The following DAGLA variants were observed in gnomAD, a reference collection of about 807,000 sequenced individuals.
DAGLA encodes the protein diacylglycerol lipase alpha.
A neutral mutation model predicts 102.6 loss-of-function variants in DAGLA; 22 were observed. The observed-to-expected ratio is 0.21, with a 90% confidence interval of 0.15 to 0.31. The LOEUF is 0.31. DAGLA is among the 10% of genes least tolerant of loss of function. The pLI is 1.00. For synonymous variants in DAGLA, 578 were observed against 628.9 expected (o/e 0.92, Z 1.21); for missense variants, 927 against 1,446.6 (o/e 0.64, Z 5.83).
rs1475806791 is a variant in DAGLA at position 61,734,727 on chromosome 11, G to C, written c.975-122G>C. On this transcript the variant is annotated intron_variant, in intron 9 of 19. Transcript: ENST00000257215. This position sits in a 1 kb window ranked among gnomAD's most constrained non-coding sequence, Gnocchi z 4.2. The stretch of plus-strand genomic sequence containing the variant: ...TGGGGGTCACTAGGACTTAGCAAGG[G>C]CAATTTGGTAGAGGCAGTGGGGCTG... The C allele has an allele frequency of 2.1e-6, 2 of 932,170 alleles. No individual in the cohort carries two copies. Among genetic ancestry groups the C allele is most frequent in the Non-Finnish European group, 3.3e-6 (2 of 607,818 alleles). 57.7% of individuals were successfully genotyped at this position (932,170 alleles called of 1,614,324 possible).
chr11:61,691,630 C>T (rs535540824), intron 1 of DAGLA, among the ~76,000 whole-genome samples: 2 of 152,386 alleles, frequency 1.3e-5, no homozygotes, highest in South Asian at 2.1e-4. Flanking sequence ...GGGCAGGCTC[C>T]ACCATGCTCC....
intron 5 of DAGLA, among the ~76,000 whole-genome samples, chr11:61,725,033 G>A (rs1173974705): frequency 6.6e-6 from 1 of 152,054 alleles, no homozygotes; most frequent in Non-Finnish European, 1.5e-5. Context: ...GGCTCAAAAA[G>A]GGCCTGGCCT....
At chr11:61,719,965 GAGGTGGGTC>G in intron 1 of DAGLA, 138 bp from the exon 2 acceptor site, 3 of 611,250 alleles carry the variant, frequency 4.9e-6, no homozygotes, top group Non-Finnish European at 8.7e-6. Flanking sequence ...CTCCTGCCCG[GAGGTGGGTC>G]AGCACTTCCA....
chr11:61,682,625 T>G (rs2064951838), intron 1 of DAGLA, among the ~76,000 whole-genome samples: 1 of 152,184 alleles, frequency 6.6e-6, no homozygotes, highest in African/African-American at 2.4e-5. Flanking sequence ...TGTCTGTGGC[T>G]GACAGATCTA....
At position 61,744,081 on chromosome 11, in the gene DAGLA, T is replaced by C; in HGVS notation, c.2721T>C (p.Ser907=). The C allele has an allele frequency of 6.2e-7, 1 of 1,612,848 alleles. No individual in the cohort carries two copies. The highest frequency in any genetic ancestry group is 8.5e-7 in the Non-Finnish European group (1 of 1,179,978). ...ATGGGCGCCTGGGGGACTCGCCCAG[T>C]CCTCAGGTGCTGGAATTCGCCGAGT... is the stretch of plus-strand genomic sequence containing the variant. ...LHNGRLGDSP[S]PQVLEFAEFI... The change falls in exon 20 of 20, where the codon AGT becomes AGC. Residue 907 remains serine (S), a synonymous_variant. Coordinates refer to ENST00000257215, the MANE Select transcript of DAGLA (RefSeq NM_006133.3).
chr11:61,695,954 C>T (rs2065061573), intron 1 of DAGLA, among the ~76,000 whole-genome samples: 1 of 152,194 alleles, frequency 6.6e-6, no homozygotes, highest in Admixed American at 6.5e-5. Context: ...GCTGTGGTGA[C>T]CGTTCTCCCA....
chr11:61,741,376 C>A, intron 19 of DAGLA, 27 bp downstream of exon 19: 1 of 1,593,454 alleles, frequency 6.3e-7, no homozygotes, highest in Non-Finnish European at 8.5e-7. Flanking sequence ...CCCAGCCCCA[C>A]CCCAGGGTGA....
At chr11:61,739,693 G>T (rs1234334286) in intron 17 of DAGLA, 32 bp downstream of exon 17, 1 of 1,605,130 alleles carries the variant, frequency 6.2e-7, no homozygotes. Flanking sequence ...TGCTGCAGGG[G>T]GTAGTGGCCA....
chr11:61,682,416 C>T (rs569057892), intron 1 of DAGLA, among the ~76,000 whole-genome samples: 15 of 152,066 alleles, frequency 9.9e-5, no homozygotes, highest in Non-Finnish European at 1.8e-4. Flanking sequence ...GCCCTGAGCG[C>T]ACATGCTCCC....
intron 8 of DAGLA, among the ~76,000 whole-genome samples, 162 bp from the exon 9 acceptor site, chr11:61,731,155 T>G (rs1016305329): frequency 1.3e-5 from 2 of 152,002 alleles, no homozygotes; most frequent in Non-Finnish European, 2.9e-5. Context: ...CCTGGAGGAG[T>G]GTCCTTCCTC....
At chr11:61,712,176 G>A (rs753918386) in intron 1 of DAGLA, among the ~76,000 whole-genome samples, 13 of 152,198 alleles carry the variant, frequency 8.5e-5, no homozygotes, top group African/African-American at 1.4e-4. Context: ...CAAGAAGCAC[G>A]AGGAGGGCAC....
intron 1 of DAGLA, among the ~76,000 whole-genome samples, chr11:61,714,330 C>T (rs2065219543): frequency 6.6e-6 from 1 of 152,230 alleles, no homozygotes; most frequent in African/African-American, 2.4e-5. Context: ...GAAGGTGGCT[C>T]TCTGGATCTG....
Position 61,741,209 on chromosome 11 carries a change from C to T in DAGLA, c.2031C>T (p.Ala677=). The change falls in exon 19 of 20, where the codon GCC becomes GCT. Residue 677 remains alanine, a synonymous_variant. Coordinates refer to ENST00000257215, the MANE Select transcript of DAGLA (RefSeq NM_006133.3). ...NKGKTALLSA[A]KVMVSPTEVD... is the part of the protein sequence containing the mutation. Reference sequence around the variant, plus strand: ...GGAAGACCGCTCTGCTCTCTGCAGCCAAGGTCATGGTGAGCCCTACCGAGG... The same window carrying T: ...GGAAGACCGCTCTGCTCTCTGCAGCTAAGGTCATGGTGAGCCCTACCGAGG... The T allele has an allele frequency of 1.9e-6, 3 of 1,613,648 alleles. No individual in the cohort carries two copies. Among genetic ancestry groups the T allele is most frequent in the South Asian group, 1.1e-5 (1 of 91,086 alleles).
Position 61,722,963 on chromosome 11 carries a change from A to AC in DAGLA, c.409+4dup. On this transcript the variant is annotated splice_donor_region_variant and intron_variant, in intron 4 of 19. Transcript: ENST00000257215. ...CACTGCCAAGAATGTCACCCTCGGTACGTCTGGGTGAGGCCTGCTGGAGCC... is the reference window on the plus strand; with the variant it reads ...CACTGCCAAGAATGTCACCCTCGGTACCGTCTGGGTGAGGCCTGCTGGAGCC... The AC allele has an allele frequency of 6.2e-7, 1 of 1,610,158 alleles. No individual in the cohort carries two copies. Among genetic ancestry groups the AC allele is most frequent in the African/African-American group, 1.3e-5 (1 of 74,974 alleles).
chr11:61,717,833 G>T (rs1399244538), intron 1 of DAGLA, among the ~76,000 whole-genome samples: 1 of 152,224 alleles, frequency 6.6e-6, no homozygotes, highest in Admixed American at 6.5e-5. Flanking sequence ...TGAGGTGGGG[G>T]CAGTGGTTAC....
At chr11:61,700,765 G>C (rs1283728421) in intron 1 of DAGLA, among the ~76,000 whole-genome samples, 1 of 152,162 alleles carries the variant, frequency 6.6e-6, no homozygotes, top group Admixed American at 6.5e-5. Context: ...CCTAAGGAGA[G>C]CTGGCCCAGC....
chr11:61,727,557 A>G (rs749990647), intron 6 of DAGLA, among the ~76,000 whole-genome samples: 2 of 152,204 alleles, frequency 1.3e-5, no homozygotes, highest in Non-Finnish European at 2.9e-5. Flanking sequence ...CCAGACATGC[A>G]CTGTCTTCAG....
intron 1 of DAGLA, among the ~76,000 whole-genome samples, chr11:61,688,314 C>CAA (rs1186217122): frequency 1.2e-4 from 9 of 73,342 alleles, no homozygotes; most frequent in Admixed American, 3.1e-4. Context: ...AACTCTGTCT[C>CAA]AAAAAAAAAA....
rs374175246 is a variant in DAGLA at position 61,727,953 on chromosome 11, C to T, written c.637-200C>T. Reference sequence around the variant, plus strand: ...GTGGCTACTGCCAGGTCTAGGAGCCCTGGGCAGGGCCCTCAGGGTCACAGG... The same window carrying T: ...GTGGCTACTGCCAGGTCTAGGAGCCTTGGGCAGGGCCCTCAGGGTCACAGG... On this transcript the variant is annotated intron_variant, in intron 6 of 19. Coordinates refer to ENST00000257215, the MANE Select transcript of DAGLA (RefSeq NM_006133.3). 1.7e-4 allele frequency among the ~76,000 whole-genome samples: 26 copies of T among 152,316 alleles called. No individual in the cohort carries two copies. The East Asian group carries it at 5.0e-3, about 29-fold the overall frequency.
Sources: allele counts gnomAD v4.1 joint callset (sites outside exome capture counted in the v4.1 genomes callset), GRCh38; gene constraint gnomAD v4.1.1; non-coding constraint Gnocchi (gnomAD v3.1); transcripts MANE v1.5; gene names NCBI Gene and HGNC (gene_info 2026-07-23, HGNC 2026-07-21).